The following CCDC171 variants were observed in gnomAD, a reference collection of about 807,000 sequenced individuals.
CCDC171 encodes the protein coiled-coil domain-containing protein 171.
A neutral mutation model predicts 168.2 loss-of-function variants in CCDC171; 177 were observed. That is an observed-to-expected ratio of 1.05 (90% CI 0.93 to 1.19). The LOEUF (loss-of-function observed/expected upper bound fraction) is 1.19, where lower values mean the gene tolerates loss of function less well. Among genes scored for constraint, CCDC171 ranks in the 50% most tolerant of loss-of-function variants. The probability of loss-of-function intolerance (pLI) is 0.00; values close to 1 mark genes in which losing one functional copy is unlikely to be tolerated. For missense variants in CCDC171, 1,991 were observed against 1,539.0 expected (o/e 1.29, Z -4.91); for synonymous variants, 687 against 540.8 (o/e 1.27, Z -3.75).
chr9:15,584,423 C>T (rs1474056285), intron 4 of CCDC171, among the ~76,000 whole-genome samples: 1 of 152,090 alleles, frequency 6.6e-6, no homozygotes, highest in Admixed American at 6.5e-5. Context: ...CCAGGGAAAA[C>T]CGTATTTTTG....
At chr9:16,020,504 T>C (rs1464877214) in intron 3 of CCDC171, 1 of 154,380 alleles carries the variant, frequency 6.5e-6, no homozygotes, top group Non-Finnish European at 1.5e-5. Context: ...ATGATTTTTT[T>C]CTTTCCTTAT....
intron 4 of CCDC171, among the ~76,000 whole-genome samples, chr9:15,590,774 TTTC>T (rs2041926981): frequency 1.3e-5 from 1 of 76,422 alleles, no homozygotes; most frequent in Non-Finnish European, 2.9e-5. Flanking sequence ...TTTCTTTCTC[TTTC>T]TTTCTTTCTT....
chr9:15,612,508 T>C (rs978418244), intron 6 of CCDC171, among the ~76,000 whole-genome samples: 12 of 152,222 alleles, frequency 7.9e-5, no homozygotes, highest in East Asian at 5.8e-4. Context: ...TTTTAACTTA[T>C]GATCTTCTGA....
At chr9:15,735,747 C>T (rs1319319604) in intron 16 of CCDC171, among the ~76,000 whole-genome samples, 1 of 152,046 alleles carries the variant, frequency 6.6e-6, no homozygotes, top group Non-Finnish European at 1.5e-5. Flanking sequence ...GGTGATAATT[C>T]CTTAAGGTAT....
At chr9:15,938,240 G>A (rs1479813152) in intron 25 of CCDC171, among the ~76,000 whole-genome samples, 1 of 151,682 alleles carries the variant, frequency 6.6e-6, no homozygotes, top group Non-Finnish European at 1.5e-5. Context: ...CATTATCTGT[G>A]TGTCCAAAAC....
intron 9 of CCDC171, among the ~76,000 whole-genome samples, chr9:15,676,242 C>T (rs2049548995): frequency 1.3e-5 from 2 of 152,118 alleles, no homozygotes; most frequent in Admixed American, 6.6e-5. Flanking sequence ...TTAAGTTCTT[C>T]TCTACACTGC....
chr9:15,670,375 G>A (rs779642022), intron 9 of CCDC171, among the ~76,000 whole-genome samples: 16 of 152,044 alleles, frequency 1.1e-4, no homozygotes, highest in Admixed American at 1.3e-4. Flanking sequence ...ATTAATACAT[G>A]TACACAGTCT....
Position 16,052,877 on chromosome 9 carries a change from C to T in CCDC171, n.90-7769C>T, listed in dbSNP as rs150481772. On this transcript the variant is annotated intron_variant and non_coding_transcript_variant, in intron 1 of 1. Transcript: ENST00000478913. ...CATTAAAACCCCTTTTCTTTTCAAA[C>T]GGAATGTGAGTCTTTCCAGATTCCC... is the stretch of plus-strand genomic sequence containing the variant. 9.5e-4 allele frequency among the ~76,000 whole-genome samples: 142 copies of T among 149,444 alleles called. 1 individual carries two copies. Among genetic ancestry groups the T allele is most frequent in the African/African-American group, 3.0e-3 (123 of 40,852 alleles).
At chr9:15,764,735 TAA>T (rs1191855024) in intron 18 of CCDC171, among the ~76,000 whole-genome samples, 6 of 152,228 alleles carry the variant, frequency 3.9e-5, no homozygotes, top group Admixed American at 3.9e-4. Flanking sequence ...GCTCTCAGTA[TAA>T]GTGTTATTTA....
intron 25 of CCDC171, among the ~76,000 whole-genome samples, chr9:15,930,403 TAAAA>T (rs1042533236): frequency 6.8e-6 from 1 of 146,542 alleles, no homozygotes; most frequent in Admixed American, 6.9e-5. Context: ...CTACTTTTCC[TAAAA>T]AAAAAAGACA....
chr9:16,082,541 C>A, the CCDC171 span, among the ~76,000 whole-genome samples: 1 of 152,148 alleles, frequency 6.6e-6, no homozygotes, highest in Non-Finnish European at 1.5e-5. Flanking sequence ...TTTTGTAAAG[C>A]AAAGAAGGGC....
intron 24 of CCDC171, among the ~76,000 whole-genome samples, chr9:15,899,602 T>C (rs903986993): frequency 2.6e-5 from 4 of 152,222 alleles, no homozygotes; most frequent in Non-Finnish European, 2.9e-5. Context: ...TTTGAAAATA[T>C]CTTTATGTGC....
chr9:15,815,226 C>G (rs372826593), intron 21 of CCDC171, among the ~76,000 whole-genome samples: 4 of 152,072 alleles, frequency 2.6e-5, no homozygotes, highest in Non-Finnish European at 5.9e-5. Flanking sequence ...TCTTCCTAGC[C>G]GCCCGTATCA....
intron 21 of CCDC171, among the ~76,000 whole-genome samples, chr9:15,842,492 A>G (rs78934793): frequency 2.5e-4 from 38 of 152,182 alleles, no homozygotes; most frequent in African/African-American, 8.2e-4. Context: ...AAACAGAATG[A>G]TACACTTTGT....
intron 20 of CCDC171, among the ~76,000 whole-genome samples, chr9:15,781,432 T>A (rs1000350429): frequency 2.0e-5 from 3 of 152,168 alleles, no homozygotes; most frequent in Admixed American, 2.0e-4. Flanking sequence ...TTACCTTATT[T>A]TTTGAGATGG....
At chr9:15,585,989 G>A (rs550098045) in intron 4 of CCDC171, among the ~76,000 whole-genome samples, 85 of 151,992 alleles carry the variant, frequency 5.6e-4, no homozygotes, top group African/African-American at 2.0e-3. Flanking sequence ...AAAACAAAAC[G>A]AAAAACTCCT....
At chr9:16,060,254 G>C (rs1452519883) in intron 1 of CCDC171, among the ~76,000 whole-genome samples, 1 of 152,162 alleles carries the variant, frequency 6.6e-6, no homozygotes, top group African/African-American at 2.4e-5. Context: ...TAGGGAGAGA[G>C]TTGTCAGTAC....
rs772347996 is a variant in CCDC171 at position 15,728,030 on chromosome 9, T to C, written c.1854T>C (p.Asn618=). The C allele has an allele frequency of 2.9e-5, 47 of 1,610,790 alleles. No homozygotes were observed. In the East Asian group the frequency reaches 8.7e-4, roughly 30 times the overall value. ...TGATTGCAGACCTCAACAGGGCTAA[T>C]GAGAAGGTAACTGTCCTCAGGCACC... The part of the protein sequence containing the change: ...DALIADLNRA[N]EKIRHLEYIC... Residue 618 remains asparagine (N), a synonymous_variant, in exon 15 of 26, where the codon AAT becomes AAC. Coordinates refer to ENST00000380701, the MANE Select transcript of CCDC171 (RefSeq NM_173550.4).
the CCDC171 span, among the ~76,000 whole-genome samples, chr9:16,090,885 C>A: frequency 1.4e-4 from 22 of 152,182 alleles, no homozygotes; most frequent in Non-Finnish European, 3.1e-4. Flanking sequence ...GAGGGATGAT[C>A]AGGACAATAG....
Sources: gnomAD v4.1 joint callset for allele counts (sites outside exome capture counted in the v4.1 genomes callset) on GRCh38, gnomAD v4.1.1 for gene constraint, MANE v1.5 for transcripts, NCBI Gene and HGNC (gene_info 2026-07-23, HGNC 2026-07-21) for gene names.